The following UTRN variants were observed in gnomAD, a reference collection of about 807,000 sequenced individuals.
UTRN encodes dystrophin-related protein 1.
A neutral mutation model predicts 463.9 loss-of-function variants in UTRN; 283 were observed. The observed-to-expected ratio is 0.61, with a 90% CI of 0.55 to 0.67. The LOEUF (loss-of-function observed/expected upper bound fraction) is 0.67, where lower values mean the gene tolerates loss of function less well. Among genes scored for constraint, UTRN ranks in the 30% least tolerant of loss-of-function variants. The probability of loss-of-function intolerance (pLI) is 0.00; values close to 1 mark genes in which losing one functional copy is unlikely to be tolerated. For missense variants in UTRN, 3,922 were observed against 4,084.3 expected (o/e 0.96, Z 1.08); for synonymous variants, 1,442 against 1,431.5 (o/e 1.01, Z -0.17).
intron 65 of UTRN, among the ~76,000 whole-genome samples, chr6:144,815,697 A>C (rs970746738): frequency 6.6e-6 from 1 of 152,240 alleles, no homozygotes; most frequent in Non-Finnish European, 1.5e-5. Flanking sequence ...TGTTCTAGCC[A>C]TACTGGCAAG....
At chr6:144,629,899 A>G (rs1349988442) in intron 51 of UTRN, among the ~76,000 whole-genome samples, 1 of 152,228 alleles carries the variant, frequency 6.6e-6, no homozygotes, top group African/African-American at 2.4e-5. Flanking sequence ...CAAATGTGGC[A>G]TTCTGGCCGG....
intron 51 of UTRN, among the ~76,000 whole-genome samples, chr6:144,635,376 C>A (rs1001972359): frequency 6.6e-6 from 1 of 152,052 alleles, no homozygotes; most frequent in African/African-American, 2.4e-5. Context: ...CTCTCCAACT[C>A]TGAGGCTTCA....
At chr6:144,675,264 A>G (rs774299622) in intron 51 of UTRN, among the ~76,000 whole-genome samples, 2 of 152,112 alleles carry the variant, frequency 1.3e-5, no homozygotes, top group South Asian at 2.1e-4. Context: ...CCGGGCTCCA[A>G]TCTGATCCTA....
At chr6:144,708,144 T>C in intron 53 of UTRN, 1 of 446,758 alleles carries the variant, frequency 2.2e-6, no homozygotes, top group Non-Finnish European at 4.3e-6. Flanking sequence ...GTTATCAGTG[T>C]CTGATCATTT....
intron 46 of UTRN, among the ~76,000 whole-genome samples, chr6:144,546,479 G>A (rs1464555388): frequency 1.3e-5 from 2 of 152,098 alleles, no homozygotes; most frequent in African/African-American, 4.8e-5. Flanking sequence ...GCCATTATAT[G>A]TTAACAAAAA....
In UTRN at chr6:144,299,648, G is replaced by A. The variant is rs531803660; in HGVS notation, c.79+7741G>A. Among the ~76,000 whole-genome samples the A allele has an allele frequency of 6.6e-5, 10 of 152,122 alleles. No homozygotes were observed. The South Asian group carries it at 2.1e-3, about 32-fold the overall frequency. ...AGTGTGTTCAAGGTCTTCTTGCTGT[G>A]AGTGTAACATCACATCTTGAACTCT... is the stretch of plus-strand genomic sequence containing the variant. On this transcript the variant is annotated intron_variant, in intron 2 of 74. Transcript: ENST00000367545.
rs190353049 is a variant in UTRN at position 144,286,580 on chromosome 6, T to C, written c.-93+759T>C. 4.2e-4 allele frequency among the ~76,000 whole-genome samples: 64 copies of C among 152,142 alleles called. 2 individuals carry two copies. The highest frequency in any genetic ancestry group is 3.4e-3 in the Admixed American group (52 of 15,292). On this transcript the variant is annotated intron_variant, in intron 1 of 74. Coordinates refer to ENST00000367545, the MANE Select transcript of UTRN (RefSeq NM_007124.3). The surrounding 1 kb of genome is among the most constrained non-coding windows in gnomAD (Gnocchi z 4.4). The stretch of plus-strand genomic sequence containing the variant: ...TTGCTGCAACTGACAAGGTAATTCA[T>C]GCCCCGCTTTGGCCCGGGGTCCGAG...
intron 14 of UTRN, among the ~76,000 whole-genome samples, chr6:144,446,571 T>G (rs1787714153): frequency 6.6e-6 from 1 of 152,236 alleles, no homozygotes; most frequent in Non-Finnish European, 1.5e-5. Flanking sequence ...TCTTCAGGAT[T>G]ATCTCTCTAC....
chr6:144,348,662 C>T (rs984565838), intron 2 of UTRN, among the ~76,000 whole-genome samples: 4 of 152,100 alleles, frequency 2.6e-5, no homozygotes, highest in African/African-American at 4.8e-5. Context: ...TCGGCCGGTG[C>T]GGTGGCTCAT....
intron 45 of UTRN, 35 bp from the exon 46 acceptor site, chr6:144,542,760 G>A: frequency 6.3e-7 from 1 of 1,593,394 alleles, no homozygotes; most frequent in Non-Finnish European, 8.5e-7. Context: ...TATTTACGTA[G>A]TATTCTTCTC....
rs1304841467 is a variant in UTRN at position 144,287,300 on chromosome 6, T to TA, written c.-93+1483dup. ...TTTAACTCTCCTTTGGGTGTTTACC[T>TA]AAAATTTATTGGCTCTGTAAACAGT... On this transcript the variant is annotated intron_variant, in intron 1 of 74. Transcript: ENST00000367545. Among the ~76,000 whole-genome samples the TA allele has an allele frequency of 4.6e-5, 7 of 152,332 alleles. No homozygotes were observed. The East Asian group carries it at 1.2e-3, about 25-fold the overall frequency.
At chr6:144,751,442 G>T (rs1015319235) in intron 55 of UTRN, among the ~76,000 whole-genome samples, 1 of 152,148 alleles carries the variant, frequency 6.6e-6, no homozygotes, top group African/African-American at 2.4e-5. Context: ...GTCAGCTGTT[G>T]TTGAGTGGGC....
intron 51 of UTRN, among the ~76,000 whole-genome samples, chr6:144,600,968 T>A (rs1804185342): frequency 6.6e-6 from 1 of 152,222 alleles, no homozygotes; most frequent in Non-Finnish European, 1.5e-5. Context: ...TGAAATCTAT[T>A]CTATCTGTGC....
At chr6:144,403,870 G>C (rs1477486469) in intron 3 of UTRN, among the ~76,000 whole-genome samples, 2 of 152,178 alleles carry the variant, frequency 1.3e-5, no homozygotes, top group Admixed American at 1.3e-4. Context: ...TAGGAGGAGA[G>C]TTTTCAGGAT....
At chr6:144,500,188 T>C (rs924279210) in intron 34 of UTRN, among the ~76,000 whole-genome samples, 2 of 152,212 alleles carry the variant, frequency 1.3e-5, no homozygotes, top group South Asian at 4.1e-4. Flanking sequence ...GAGAAATTTC[T>C]AAACTGCTTT....
At chr6:144,475,932 C>T (rs535958609) in intron 25 of UTRN, among the ~76,000 whole-genome samples, 19 of 151,292 alleles carry the variant, frequency 1.3e-4, no homozygotes, top group South Asian at 2.1e-4. Context: ...AAAAATTAGC[C>T]GGGCATGGTG....
At chr6:144,516,752 G>A in intron 38 of UTRN, 59 bp from the exon 39 acceptor site, 2 of 1,328,544 alleles carry the variant, frequency 1.5e-6, no homozygotes, top group Non-Finnish European at 1.9e-6. Flanking sequence ...GGAGTTGATA[G>A]GAAGTGACCT....
rs772173013 is a variant in UTRN, at chr6:144,444,427, TAA to T, written c.1614+46_1614+47del. On this transcript the variant is annotated intron_variant, in intron 14 of 74. Coordinates refer to ENST00000367545, the MANE Select transcript of UTRN (RefSeq NM_007124.3). ...AAGGGGCAAAATAAATGGTGAAAAG[TAA>T]CCCATCTTTTATTGTGACTTTAGAA... is the stretch of plus-strand genomic sequence containing the variant. The T allele has an allele frequency of 2.1e-6, 3 of 1,461,622 alleles. No individual in the cohort carries two copies. The African/African-American group carries it at 4.2e-5, about 21-fold the overall frequency. 90.5% of individuals were successfully genotyped at this position (1,461,622 alleles called of 1,614,324 possible).
intron 9 of UTRN, among the ~76,000 whole-genome samples, chr6:144,434,317 TCAGAGGGAGAC>T (rs1186906184): frequency 3.2e-5 from 4 of 126,734 alleles, no homozygotes; most frequent in South Asian, 2.3e-4. Flanking sequence ...CGGCTCGGCA[TCAGAGGGAGAC>T]CGTGGAAAGA....
Sources: allele counts gnomAD v4.1 joint callset (sites outside exome capture counted in the v4.1 genomes callset), GRCh38; gene constraint gnomAD v4.1.1; non-coding constraint Gnocchi (gnomAD v3.1); transcripts MANE v1.5; gene names NCBI Gene and HGNC (gene_info 2026-07-23, HGNC 2026-07-21).